KIF26A: variants seen among roughly 807,000 people sequenced by gnomAD.
The protein encoded by KIF26A is kinesin family member 26A.
A neutral mutation model predicts 126.0 loss-of-function variants in KIF26A; 74 were observed. That is an observed-to-expected ratio of 0.59 (90% confidence interval 0.49 to 0.71). The LOEUF is 0.71. Ranked by LOEUF, KIF26A falls within the 30% of genes least tolerant of loss-of-function variation. The pLI, the probability that KIF26A is intolerant of heterozygous loss-of-function variation, is 0.00. For missense variants in KIF26A, 2,984 were observed against 2,763.3 expected (o/e 1.08, Z -1.79); for synonymous variants, 1,445 against 1,232.7 (o/e 1.17, Z -3.61).
intron 5 of KIF26A, among the ~76,000 whole-genome samples, chr14:104,170,469 C>T (rs556569493): frequency 6.6e-6 from 1 of 152,362 alleles, no homozygotes; most frequent in South Asian, 2.1e-4. Flanking sequence ...GCGAACTACC[C>T]ATGGTAAACC....
intron 2 of KIF26A, among the ~76,000 whole-genome samples, chr14:104,149,703 G>A (rs72714972): frequency 6.6e-6 from 1 of 152,146 alleles, no homozygotes; most frequent in Non-Finnish European, 1.5e-5. Flanking sequence ...TTCTCAGGTC[G>A]ATCCGGGCTT....
chr14:104,179,296 G>C lies in KIF26A; in HGVS notation c.5377G>C (p.Glu1793Gln). The change falls in exon 14 of 15, where the codon GAG (glutamate) becomes CAG (glutamine). Residue 1793 changes from glutamate (E) to glutamine (Q), a missense_variant. Transcript: ENST00000423312. The part of the protein sequence containing the change: ...LAERRQQRLR[E>Q]VQAKHKHLCE... ...GGAGCGCAGGCAGCAGCGGCTGCGG[G>C]AGGTGCAGGCCAAGCACAAGCACCT... The C allele has an allele frequency of 6.5e-7, 1 of 1,536,654 alleles. No homozygotes were observed.
Position 104,172,569 on chromosome 14 carries a change from C to G in KIF26A, c.1327-6C>G, listed in dbSNP as rs564920400. ...ACAGCCCTGCCTGATTCTCTTGCCC[C>G]CCTAGGCCGAAGTCTGCTCGGGGAC... On this transcript the variant is annotated splice_polypyrimidine_tract_variant and splice_region_variant and intron_variant, in intron 6 of 14. Transcript: ENST00000423312. The G allele has an allele frequency of 2.5e-6, 4 of 1,610,628 alleles. No homozygotes were observed. The highest frequency in any genetic ancestry group is 1.7e-4 in the Middle Eastern group (1 of 6,054).
intron 2 of KIF26A, among the ~76,000 whole-genome samples, chr14:104,141,484 G>A (rs757111404): frequency 6.6e-6 from 1 of 152,188 alleles, no homozygotes; most frequent in Non-Finnish European, 1.5e-5. Flanking sequence ...AGAGGCCCTC[G>A]CCTCCGGGCT....
Position 104,175,425 on chromosome 14 carries a change from G to T in KIF26A, c.2637G>T (p.Ser879=). The T allele has an allele frequency of 6.3e-7, 1 of 1,592,362 alleles. No homozygotes were observed. The change falls in exon 12 of 15, where the codon TCG becomes TCT. Residue 879 remains serine (S), a synonymous_variant. Transcript: ENST00000423312. ...ASPARGGRKP[S]PPEAASPRKA... ...CCGCCCGAGGGGGCCGGAAGCCCTC[G>T]CCACCAGAGGCTGCATCCCCCAGGA...
chr14:104,150,192 C>CCCCCTCCCCCTCCTCATT, intron 2 of KIF26A, among the ~76,000 whole-genome samples: 2 of 115,572 alleles, frequency 1.7e-5, no homozygotes, highest in African/African-American at 6.0e-5. Context: ...CCCTCCTCAT[C>CCCCCTCCCCCTCCTCATT]CCCCTCCCCC....
rs765210272 is a variant in KIF26A at position 104,152,214 on chromosome 14, C to T, written c.488C>T (p.Pro163Leu). 2 of 1,601,920 alleles carry T rather than the reference C, an allele frequency of 1.2e-6. No homozygotes were observed. The highest frequency in any genetic ancestry group is 2.3e-5 in the East Asian group (1 of 44,106). Residue 163 changes from proline (P) to leucine (L), a missense_variant, in exon 3 of 15, where the codon CCC becomes CTC. Pro to Leu is a moderately conservative substitution (Grantham distance 98). Transcript: ENST00000423312. The surrounding 1 kb of genome is among the most constrained non-coding windows in gnomAD (Gnocchi z 5.9). Reference sequence around the variant, plus strand: ...CCCCATGGAGGCCCCAGCCTCGCACCCCCCAGCACCACGACCAGCTCGAGG... The same window carrying T: ...CCCCATGGAGGCCCCAGCCTCGCACTCCCCAGCACCACGACCAGCTCGAGG... ...DAPHGGPSLA[P>L]PSTTTSSRDT... is the part of the protein sequence containing the mutation.
intron 4 of KIF26A, among the ~76,000 whole-genome samples, chr14:104,163,341 C>T (rs776543640): frequency 2.0e-5 from 3 of 152,202 alleles, no homozygotes; most frequent in Admixed American, 6.5e-5. Flanking sequence ...CCCCTCTGCC[C>T]GGGCTTCTTG....
chr14:104,140,056 G>T (rs945127940), intron 2 of KIF26A, among the ~76,000 whole-genome samples: 1 of 152,188 alleles, frequency 6.6e-6, no homozygotes, highest in Non-Finnish European at 1.5e-5. Flanking sequence ...GCCCGCTGCC[G>T]GGCCTTCAGC....
chr14:104,159,261 C>T (rs578054064), intron 4 of KIF26A, among the ~76,000 whole-genome samples: 3 of 152,348 alleles, frequency 2.0e-5, no homozygotes, highest in East Asian at 1.9e-4. Flanking sequence ...GTGGGACAGC[C>T]CACCCCGTCA....
intron 3 of KIF26A, among the ~76,000 whole-genome samples, chr14:104,154,254 G>A (rs535701677): frequency 4.6e-4 from 70 of 152,332 alleles, no homozygotes; most frequent in African/African-American, 1.5e-3. Context: ...CGGGTGGGAC[G>A]GGGGTGCTGC....
intron 1 of KIF26A, 41 bp from the exon 2 acceptor site, chr14:104,139,002 G>A: frequency 7.5e-7 from 1 of 1,325,586 alleles, no homozygotes; most frequent in Non-Finnish European, 9.6e-7. Flanking sequence ...TCCGACGGAC[G>A]TCCCAGGCTC....
Position 104,177,030 on chromosome 14 carries a change from G to A in KIF26A, c.4242G>A (p.Arg1414=). 1 of 1,571,718 alleles carries A rather than the reference G, an allele frequency of 6.4e-7. No homozygotes were observed. The highest frequency in any genetic ancestry group is 1.2e-5 in the South Asian group (1 of 86,932). The part of the protein sequence containing the change: ...PSSRADHSVP[R]ATSSLKARAS... ...GCCGGGCTGACCACTCTGTCCCCAG[G>A]GCCACGTCCAGCCTGAAGGCCCGGG... is the stretch of plus-strand genomic sequence containing the variant. Residue 1414 remains arginine (R), a synonymous_variant, in exon 12 of 15, where the codon AGG becomes AGA. Coordinates refer to ENST00000423312, the MANE Select transcript of KIF26A (RefSeq NM_015656.2).
intron 5 of KIF26A, among the ~76,000 whole-genome samples, chr14:104,170,848 G>A (rs1278047839): frequency 6.6e-6 from 1 of 152,256 alleles, no homozygotes; most frequent in Non-Finnish European, 1.5e-5. Context: ...CCCCTCTCAG[G>A]GTACTGGGGC....
At chr14:104,160,995 C>T (rs1413866248) in intron 4 of KIF26A, among the ~76,000 whole-genome samples, 1 of 151,966 alleles carries the variant, frequency 6.6e-6, no homozygotes, top group Non-Finnish European at 1.5e-5. Context: ...CAGGCTGGCA[C>T]CCAGCAGAAG....
intron 2 of KIF26A, among the ~76,000 whole-genome samples, chr14:104,149,642 C>T (rs1214554861): frequency 6.6e-6 from 1 of 152,192 alleles, no homozygotes; most frequent in Non-Finnish European, 1.5e-5. Context: ...GGCTTCCTGT[C>T]CCCTTTTCCC....
At chr14:104,140,510 A>G (rs947004) in intron 2 of KIF26A, among the ~76,000 whole-genome samples, 2,644 of 152,308 alleles carry the variant, frequency 0.017, 66 homozygotes, top group African/African-American at 0.061. Context: ...AGGGGCATTA[A>G]GATTGAGCTG....
intron 4 of KIF26A, among the ~76,000 whole-genome samples, chr14:104,164,738 TGC>T (rs112525867): frequency 2.0e-5 from 3 of 150,494 alleles, no homozygotes; most frequent in Non-Finnish European, 3.0e-5. Context: ...TCTGTGTGTG[TGC>T]GCGTGTCTGT....
At position 104,173,098 on chromosome 14, in the gene KIF26A, C is replaced by G. The variant is rs768185242; in HGVS notation, c.1542C>G (p.Phe514Leu). 1.9e-6 allele frequency: 3 copies of G among 1,605,892 alleles called. No homozygotes were observed. In the Admixed American group the frequency reaches 5.1e-5, roughly 27 times the overall value. The change falls in exon 8 of 15, where the codon TTC (phenylalanine) becomes TTG (leucine). Residue 514 changes from phenylalanine (F) to leucine (L), a missense_variant. Coordinates refer to ENST00000423312, the MANE Select transcript of KIF26A (RefSeq NM_015656.2). ...EERRERTGTR[F>L]SVRVSAVEVC... The stretch of plus-strand genomic sequence containing the variant: ...GCAGGGAGAGGACGGGCACCCGCTT[C>G]TCCGTCCGGGTCTCAGCCGTGGAGG...
Sources: allele counts gnomAD v4.1 joint callset (sites outside exome capture counted in the v4.1 genomes callset), GRCh38; gene constraint gnomAD v4.1.1; non-coding constraint Gnocchi (gnomAD v3.1); transcripts MANE v1.5; gene names NCBI Gene and HGNC (gene_info 2026-07-23, HGNC 2026-07-21).